The following RANBP17 variants were observed in gnomAD, a reference collection of about 807,000 sequenced individuals.
The protein encoded by RANBP17 is RAN binding protein 17, also known as ran-binding protein 17.
In RANBP17, 158 loss-of-function variants were observed where a neutral mutation model predicts 141.2. The ratio of observed to expected loss-of-function variants is 1.12; its 90% CI spans 0.98 to 1.28. The LOEUF is 1.28. Among genes scored for constraint, RANBP17 ranks in the 50% most tolerant of loss-of-function variants. The pLI is 0.00. For synonymous variants in RANBP17, 430 were observed against 450.0 expected, an observed-to-expected ratio of 0.96 and a Z score of 0.56; for missense variants, 1,438 against 1,290.7, an observed-to-expected ratio of 1.11 and a Z score of -1.75.
At chr5:171,064,723 G>A (rs2608083) in intron 14 of RANBP17, among the ~76,000 whole-genome samples, 89,825 of 151,474 alleles carry the variant, frequency 0.59, 28,562 homozygotes, top group South Asian at 0.88. Context: ...GTTTCTCCAT[G>A]TTGCGTAGGC....
intron 14 of RANBP17, among the ~76,000 whole-genome samples, chr5:171,102,850 A>T (rs1053539961): frequency 6.6e-6 from 1 of 151,982 alleles, no homozygotes; most frequent in Non-Finnish European, 1.5e-5. Context: ...TCTAACAGTC[A>T]GACCCCTCTG....
intron 14 of RANBP17, among the ~76,000 whole-genome samples, chr5:171,048,727 T>G (rs1782756763): frequency 6.6e-6 from 1 of 152,212 alleles, no homozygotes; most frequent in Non-Finnish European, 1.5e-5. Context: ...TGAGAACATG[T>G]GGCATTTGAT....
chr5:171,155,078 G>GAAAAAAAA (rs145976955), intron 14 of RANBP17, among the ~76,000 whole-genome samples: 854 of 74,850 alleles, frequency 0.011, 1 homozygote, highest in African/African-American at 0.015. Flanking sequence ...ACTCCATCTA[G>GAAAAAAAA]AAAAAAAAAA....
chr5:171,214,784 C>T (rs1763113325), intron 21 of RANBP17, among the ~76,000 whole-genome samples: 1 of 151,508 alleles, frequency 6.6e-6, no homozygotes, highest in Admixed American at 6.6e-5. Flanking sequence ...TTTTTTTAAC[C>T]AGAAAATTAA....
chr5:171,289,404 A>G (rs978411754), intron 25 of RANBP17, among the ~76,000 whole-genome samples: 1 of 152,114 alleles, frequency 6.6e-6, no homozygotes, highest in African/African-American at 2.4e-5. Flanking sequence ...CACAAACCAC[A>G]TCTTTGTCTA....
intron 25 of RANBP17, among the ~76,000 whole-genome samples, chr5:171,286,620 T>C (rs918413470): frequency 1.3e-5 from 2 of 152,202 alleles, no homozygotes; most frequent in African/African-American, 4.8e-5. Context: ...ATTCCACTAA[T>C]ATCACATAGG....
At chr5:170,961,694 A>AT (rs1353624538) in intron 13 of RANBP17, among the ~76,000 whole-genome samples, 1 of 152,208 alleles carries the variant, frequency 6.6e-6, no homozygotes, top group East Asian at 1.9e-4. Flanking sequence ...TTTCAAAAAA[A>AT]TTAAAAATCT....
At position 171,266,516 on chromosome 5, in the gene RANBP17, G is replaced by A. The variant is rs142281503; in HGVS notation, c.2943+669G>A. ...GCATAAGAAATGAATATTGCAAGGT[G>A]CAGTACCTGTAGTACCAGCTGCTCC... On this transcript the variant is annotated intron_variant, in intron 25 of 27. Coordinates refer to ENST00000523189, the MANE Select transcript of RANBP17 (RefSeq NM_022897.5). 6.6e-5 allele frequency among the ~76,000 whole-genome samples: 10 copies of A among 152,252 alleles called. No homozygotes were observed. The East Asian group carries it at 1.9e-3, about 29-fold the overall frequency.
rs570465855 is a variant in RANBP17 at position 171,128,336 on chromosome 5, A to G, written c.1711-41794A>G. On this transcript the variant is annotated intron_variant, in intron 14 of 27. Transcript: ENST00000523189. The stretch of plus-strand genomic sequence containing the variant: ...ATTCAGCTATGAAAAAAAGCGTGAA[A>G]TCATGTCATCGAAGCATCCATTCAT... Among the ~76,000 whole-genome samples the G allele has an allele frequency of 5.3e-5, 8 of 152,294 alleles. No individual in the cohort carries two copies. In the South Asian group the frequency reaches 6.2e-4, roughly 12 times the overall value.
At chr5:171,049,818 A>G (rs1209831358) in intron 14 of RANBP17, among the ~76,000 whole-genome samples, 1 of 151,946 alleles carries the variant, frequency 6.6e-6, no homozygotes, top group Non-Finnish European at 1.5e-5. Context: ...TTTTTGTTCC[A>G]TTGGTGTATG....
chr5:170,914,190 G>A lies in RANBP17; in HGVS notation c.784G>A (p.Asp262Asn), dbSNP rs183823072. The change falls in exon 8 of 28, where the codon GAT becomes AAT. Residue 262 changes from aspartate to asparagine, a missense_variant. Asp to Asn is a conservative substitution (Grantham distance 23). Transcript: ENST00000523189. ...AGTTTTCCTGGAACCAGAAACATTG[G>A]ATCTTTTCTTCAATTTGTATCATTC... ...RTIFLEPETL[D>N]LFFNLYHSLP... The A allele has an allele frequency of 2.2e-5, 36 of 1,609,104 alleles. No individual in the cohort carries two copies. Among genetic ancestry groups the A allele is most frequent in the Non-Finnish European group, 3.1e-5 (36 of 1,176,278 alleles).
At chr5:171,068,748 G>A (rs1189735020) in intron 14 of RANBP17, among the ~76,000 whole-genome samples, 13 of 151,878 alleles carry the variant, frequency 8.6e-5, no homozygotes, top group East Asian at 3.9e-4. Flanking sequence ...CACCACGCCC[G>A]GCTAATTTTT....
intron 14 of RANBP17, among the ~76,000 whole-genome samples, chr5:171,106,797 G>A (rs1754869841): frequency 6.6e-6 from 1 of 151,990 alleles, no homozygotes. Flanking sequence ...TTAATGTTTG[G>A]GGGTGGGGAA....
chr5:171,027,207 A>G (rs900957685), intron 14 of RANBP17, among the ~76,000 whole-genome samples: 2 of 152,210 alleles, frequency 1.3e-5, no homozygotes, highest in East Asian at 3.8e-4. Flanking sequence ...AATTTATCAC[A>G]TAAAATCAGG....
intron 14 of RANBP17, among the ~76,000 whole-genome samples, chr5:171,159,170 T>A (rs1581760408): frequency 6.6e-6 from 1 of 152,264 alleles, no homozygotes; most frequent in South Asian, 2.1e-4. Flanking sequence ...AGGCCCTTGG[T>A]TTCAACCAGA....
chr5:171,119,042 T>C (rs1395575378), intron 14 of RANBP17, among the ~76,000 whole-genome samples: 1 of 152,212 alleles, frequency 6.6e-6, no homozygotes, highest in Non-Finnish European at 1.5e-5. Flanking sequence ...CTCAGTATAA[T>C]GTTAGCTGTG....
chr5:171,278,445 G>A (rs1767665059), intron 25 of RANBP17, among the ~76,000 whole-genome samples: 1 of 152,100 alleles, frequency 6.6e-6, no homozygotes, highest in African/African-American at 2.4e-5. Flanking sequence ...CTTGAACCCA[G>A]GAGGCAGAGG....
At chr5:171,110,105 A>G (rs75911226) in intron 14 of RANBP17, among the ~76,000 whole-genome samples, 7,968 of 150,952 alleles carry the variant, frequency 0.053, 263 homozygotes, top group East Asian at 0.12. Flanking sequence ...TTTTTTTCTG[A>G]TATGTTTATC....
intron 14 of RANBP17, among the ~76,000 whole-genome samples, chr5:171,113,336 G>A (rs746231236): frequency 3.2e-4 from 49 of 151,978 alleles, no homozygotes; most frequent in Non-Finnish European, 5.0e-4. Flanking sequence ...TCTTGGGATG[G>A]GAATGCAGTC....
Sources: allele counts gnomAD v4.1 joint callset (sites outside exome capture counted in the v4.1 genomes callset), GRCh38; gene constraint gnomAD v4.1.1; transcripts MANE v1.5; gene names NCBI Gene and HGNC (gene_info 2026-07-23, HGNC 2026-07-21).